The following SLC6A16 variants were observed in gnomAD, a reference collection of about 807,000 sequenced individuals.
SLC6A16 encodes the protein solute carrier family 6 member 16.
In SLC6A16, 54 loss-of-function variants were observed where a neutral mutation model predicts 65.4. The ratio of observed to expected loss-of-function variants is 0.83; its 90% CI spans 0.66 to 1.04. The LOEUF is 1.04. SLC6A16 is among the 50% of genes least tolerant of loss of function. The pLI, the probability that SLC6A16 is intolerant of heterozygous loss-of-function variation, is 0.00. For synonymous variants in SLC6A16, 330 were observed against 346.5 expected, an observed-to-expected ratio of 0.95 and a Z score of 0.53; for missense variants, 816 against 914.0, an observed-to-expected ratio of 0.89 and a Z score of 1.38.
At chr19:49,296,802 A>C (rs1228635229) in intron 7 of SLC6A16, among the ~76,000 whole-genome samples, 1 of 152,154 alleles carries the variant, frequency 6.6e-6, no homozygotes, top group Non-Finnish European at 1.5e-5. Flanking sequence ...CAGCCTGGCC[A>C]ACATGGTGAA....
chr19:49,330,931 GACAAAAAAAAAAC>G, the SLC6A16 span, among the ~76,000 whole-genome samples: 1 of 138,440 alleles, frequency 7.2e-6, no homozygotes, highest in Non-Finnish European at 1.5e-5. Context: ...AATAGAGTGA[GACAAAAAAAAAAC>G]ACAAAAAAAA....
At chr19:49,294,931 A>G (rs1471938066) in intron 7 of SLC6A16, among the ~76,000 whole-genome samples, 1 of 152,136 alleles carries the variant, frequency 6.6e-6, no homozygotes, top group African/African-American at 2.4e-5. Flanking sequence ...GACTATGATC[A>G]TAATGTCCCA....
At chr19:49,336,696 A>C in the SLC6A16 span, 1 of 548,526 alleles carries the variant, frequency 1.8e-6, no homozygotes, top group Non-Finnish European at 3.3e-6. Context: ...AGAGGGTAAG[A>C]GGAAGAGAGA....
chr19:49,320,184 G>A (rs1970686336), intron 1 of SLC6A16, among the ~76,000 whole-genome samples: 1 of 152,120 alleles, frequency 6.6e-6, no homozygotes, highest in Non-Finnish European at 1.5e-5. Context: ...TGAGGTGGGT[G>A]GATCATTTGA....
chr19:49,339,394 T>C, the SLC6A16 span: 1 of 1,613,966 alleles, frequency 6.2e-7, no homozygotes, highest in African/African-American at 1.3e-5. The surrounding 1 kb of genome is among the most constrained non-coding windows in gnomAD (Gnocchi z 4.5). Flanking sequence ...GGCATTTGCC[T>C]GGGCGTCGGC....
intron 7 of SLC6A16, among the ~76,000 whole-genome samples, chr19:49,298,530 G>A (rs1324782186): frequency 6.6e-6 from 1 of 152,108 alleles, no homozygotes; most frequent in African/African-American, 2.4e-5. Context: ...CAATCAGAAT[G>A]GCTATTAAAA....
At chr19:49,336,732 C>T in the SLC6A16 span, 8 of 608,280 alleles carry the variant, frequency 1.3e-5, no homozygotes, top group Non-Finnish European at 1.7e-5. Flanking sequence ...GGGAAACAGG[C>T]CCAGAAAGAA....
the SLC6A16 span, chr19:49,338,972 G>A: frequency 6.5e-7 from 1 of 1,526,884 alleles, no homozygotes; most frequent in South Asian, 1.1e-5. The surrounding 1 kb of genome is among the most constrained non-coding windows in gnomAD (Gnocchi z 5.0). Flanking sequence ...CTGTCGAATG[G>A]GGCGGGGCCT....
the SLC6A16 span, chr19:49,337,795 G>T: frequency 1.3e-6 from 2 of 1,551,272 alleles, no homozygotes; most frequent in Non-Finnish European, 8.7e-7. Context: ...GAAGTACACA[G>T]AGCTAGCCAT....
Position 49,297,879 on chromosome 19 carries a change from A to G in SLC6A16, c.1230-3326T>C, listed in dbSNP as rs894958310. Among the ~76,000 whole-genome samples, 5 of 152,330 alleles carry G rather than the reference A, an allele frequency of 3.3e-5. No homozygotes were observed. In the East Asian group the frequency reaches 9.6e-4, roughly 29 times the overall value. ...TTCTACTTACTCTGAAGAAAAAAAA[A>G]GACAAATCTAATCTATGATGATAGA... On this transcript the variant is annotated intron_variant, in intron 7 of 11. Coordinates refer to ENST00000335875, the MANE Select transcript of SLC6A16 (RefSeq NM_014037.3).
At chr19:49,312,612 GA>G (rs995696420) in intron 1 of SLC6A16, 7,470 of 706,390 alleles carry the variant, frequency 0.011, 12 homozygotes, top group African/African-American at 0.019. Context: ...GGAGTGTGCT[GA>G]AAAAAAAAAA....
At chr19:49,315,570 T>A (rs1266976667) in intron 1 of SLC6A16, among the ~76,000 whole-genome samples, 3 of 152,318 alleles carry the variant, frequency 2.0e-5, no homozygotes, top group African/African-American at 7.2e-5. Context: ...AGGCAGGAGA[T>A]GTTTTATGTA....
At chr19:49,324,860 G>T (rs80291757) in intron 1 of SLC6A16, among the ~76,000 whole-genome samples, 188 bp downstream of exon 1, 1 of 152,318 alleles carries the variant, frequency 6.6e-6, no homozygotes, top group Non-Finnish European at 1.5e-5. Flanking sequence ...TCTGTCCTAC[G>T]TGGGGGGTAA....
At chr19:49,304,736 T>C (rs566261063) in intron 7 of SLC6A16, among the ~76,000 whole-genome samples, 8 of 152,334 alleles carry the variant, frequency 5.3e-5, no homozygotes, top group African/African-American at 1.9e-4. Context: ...AATTTTAATA[T>C]ATACAACTGG....
At chr19:49,311,549 A>C in intron 1 of SLC6A16, 138 bp from the exon 2 acceptor site, 1 of 515,016 alleles carries the variant, frequency 1.9e-6, no homozygotes, top group Non-Finnish European at 3.3e-6. Flanking sequence ...CTCTTGCATA[A>C]GTTTCACTTC....
At chr19:49,297,512 C>T (rs1370917472) in intron 7 of SLC6A16, among the ~76,000 whole-genome samples, 2 of 152,222 alleles carry the variant, frequency 1.3e-5, no homozygotes, top group Non-Finnish European at 1.5e-5. Flanking sequence ...ACTTTGGAAA[C>T]AGTTCCACAA....
At chr19:49,293,486 C>T (rs1281092636) in intron 9 of SLC6A16, 104 bp from the exon 10 acceptor site, 18 of 1,106,976 alleles carry the variant, frequency 1.6e-5, no homozygotes, top group South Asian at 4.2e-5. Flanking sequence ...CAGTGGTAGC[C>T]GGGCGAGGGG....
chr19:49,338,277 C>T, the SLC6A16 span: 1 of 1,148,910 alleles, frequency 8.7e-7, no homozygotes, highest in Non-Finnish European at 1.2e-6. The surrounding 1 kb of genome is among the most constrained non-coding windows in gnomAD (Gnocchi z 5.0). Context: ...GCCCCCGCCC[C>T]GACCAGAGGT....
At chr19:49,338,008 C>T in the SLC6A16 span, 1 of 1,614,038 alleles carries the variant, frequency 6.2e-7, no homozygotes, top group Admixed American at 1.7e-5. The surrounding 1 kb of genome is among the most constrained non-coding windows in gnomAD (Gnocchi z 5.0). Context: ...CCGAGGAGAG[C>T]TGGGACTATG....
Sources: allele counts gnomAD v4.1 joint callset (sites outside exome capture counted in the v4.1 genomes callset), GRCh38; gene constraint gnomAD v4.1.1; non-coding constraint Gnocchi (gnomAD v3.1); transcripts MANE v1.5; gene names NCBI Gene and HGNC (gene_info 2026-07-23, HGNC 2026-07-21).